The following CADPS variants were observed in gnomAD, a reference collection of about 807,000 sequenced individuals.
The protein encoded by CADPS is calcium-dependent secretion activator 1.
In CADPS, 57 loss-of-function variants were observed where a neutral mutation model predicts 167.3. The observed-to-expected ratio is 0.34, with a 90% CI of 0.28 to 0.42. CADPS has a LOEUF of 0.42. Ranked by LOEUF, CADPS falls within the 20% of genes least tolerant of loss-of-function variation. The pLI, the probability that CADPS is intolerant of heterozygous loss-of-function variation, is 1.00. For missense variants in CADPS, 1,414 were observed against 1,738.1 expected, an observed-to-expected ratio of 0.81 and a Z score of 3.32; for synonymous variants, 676 against 635.3, an observed-to-expected ratio of 1.06 and a Z score of -0.96.
chr3:62,707,870 G>A (rs1311982019), intron 3 of CADPS, among the ~76,000 whole-genome samples: 1 of 151,934 alleles, frequency 6.6e-6, no homozygotes, highest in African/African-American at 2.4e-5. Flanking sequence ...CATTATATTT[G>A]TATTGAACAG....
intron 6 of CADPS, among the ~76,000 whole-genome samples, chr3:62,608,787 C>T (rs771980532): frequency 2.7e-4 from 41 of 152,120 alleles, no homozygotes; most frequent in African/African-American, 9.4e-4. Context: ...AATTTGATGA[C>T]CAGTACTCAA....
intron 6 of CADPS, among the ~76,000 whole-genome samples, chr3:62,607,552 C>G (rs2060859228): frequency 6.6e-6 from 1 of 152,148 alleles, no homozygotes; most frequent in African/African-American, 2.4e-5. Flanking sequence ...GAATGGGGAC[C>G]CAAATTGTGG....
intron 7 of CADPS, among the ~76,000 whole-genome samples, chr3:62,590,243 C>T (rs756819745): frequency 6.6e-6 from 1 of 151,892 alleles, no homozygotes; most frequent in Non-Finnish European, 1.5e-5. Flanking sequence ...TTCGGAGGCT[C>T]ATTGTGGACC....
intron 3 of CADPS, among the ~76,000 whole-genome samples, chr3:62,737,936 C>A (rs2079341631): frequency 6.6e-6 from 1 of 152,118 alleles, no homozygotes; most frequent in African/African-American, 2.4e-5. Context: ...GCCCATATCT[C>A]TGTTTATATG....
rs553430889 is a variant in CADPS at position 62,518,893 on chromosome 3, A to G, written c.2292-643T>C. Among the ~76,000 whole-genome samples the G allele has an allele frequency of 2.6e-4, 39 of 152,282 alleles. No individual in the cohort carries two copies. In the South Asian group the frequency reaches 8.1e-3, roughly 32 times the overall value. On this transcript the variant is annotated intron_variant, in intron 13 of 29. Coordinates refer to ENST00000383710, the MANE Select transcript of CADPS (RefSeq NM_003716.4). ...TTCAGATTTATTTAAGTGCTCATGT[A>G]TTCGTTGAAGAACAAACCACATGTT... is the stretch of plus-strand genomic sequence containing the variant.
At chr3:62,542,455 C>G (rs2075838628) in intron 11 of CADPS, among the ~76,000 whole-genome samples, 1 of 152,008 alleles carries the variant, frequency 6.6e-6, no homozygotes, top group Non-Finnish European at 1.5e-5. Context: ...TGACTGATGG[C>G]AGCTGGTTGT....
chr3:62,647,513 G>T (rs932899102), intron 5 of CADPS, among the ~76,000 whole-genome samples: 1 of 152,104 alleles, frequency 6.6e-6, no homozygotes, highest in Non-Finnish European at 1.5e-5. Context: ...TACTACTCGC[G>T]TGATGTTGGG....
chr3:62,451,435 G>A (rs766258397), intron 26 of CADPS, among the ~76,000 whole-genome samples: 2 of 151,682 alleles, frequency 1.3e-5, no homozygotes, highest in South Asian at 2.1e-4. Context: ...TGCAGACCAC[G>A]AGGACCTCAG....
intron 17 of CADPS, among the ~76,000 whole-genome samples, chr3:62,508,729 T>C (rs1051458712): frequency 6.6e-6 from 1 of 152,186 alleles, no homozygotes; most frequent in African/African-American, 2.4e-5. Flanking sequence ...GAGATATGTA[T>C]AACTACTTAG....
rs754135566 is a variant in CADPS, at chr3:62,874,743, A to G, written c.287T>C (p.Val96Ala). 2 of 1,505,104 alleles carry G rather than the reference A, an allele frequency of 1.3e-6. No individual in the cohort carries two copies. The highest frequency in any genetic ancestry group is 1.8e-6 in the Non-Finnish European group (2 of 1,108,120). 93.2% of individuals were successfully genotyped at this position (1,505,104 alleles called of 1,614,324 possible). A position where few individuals can be genotyped will look rare whatever the true frequency, so the allele number is the denominator to read the frequency against. ...CTCTTCCTTCTCCTTCTCGCTCACC[A>G]CCGACGGGCTGGGGCTGGAGGGCCG... ...GGRPSSPSPS[V>A]VSEKEKEELE... The change falls in exon 1 of 30, where the codon GTG becomes GCG. Residue 96 changes from valine (V) to alanine (A), a missense_variant. Physicochemically the swap from Val to Ala is moderately conservative, Grantham distance 64. This residue lies in a region of CADPS where 522 missense variants were observed against 559.5 expected (regional missense o/e 0.93). Transcript: ENST00000383710. The surrounding 1 kb of genome is among the most constrained non-coding windows in gnomAD (Gnocchi z 7.1).
chr3:62,657,707 G>A (rs747660710), intron 4 of CADPS, among the ~76,000 whole-genome samples: 5 of 152,126 alleles, frequency 3.3e-5, no homozygotes, highest in Non-Finnish European at 7.4e-5. Flanking sequence ...TTGTGCAGCC[G>A]TCTCTGTCTG....
At chr3:62,454,822 G>A (rs1226663763) in intron 26 of CADPS, among the ~76,000 whole-genome samples, 1 of 152,086 alleles carries the variant, frequency 6.6e-6, no homozygotes, top group African/African-American at 2.4e-5. Flanking sequence ...TACGGCTTCT[G>A]TGCATGTTCA....
intron 6 of CADPS, among the ~76,000 whole-genome samples, chr3:62,622,222 G>A (rs1250821683): frequency 6.6e-6 from 1 of 152,098 alleles, no homozygotes; most frequent in Non-Finnish European, 1.5e-5. Context: ...GGTCTGAGGT[G>A]TAAAAAGGAG....
Position 62,536,598 on chromosome 3 carries a change from G to A in CADPS, c.1967-17C>T, listed in dbSNP as rs2152039016. 1.9e-6 allele frequency: 3 copies of A among 1,609,474 alleles called. No homozygotes were observed. The highest frequency in any genetic ancestry group is 4.5e-5 in the East Asian group (2 of 44,810). On this transcript the variant is annotated splice_polypyrimidine_tract_variant and intron_variant, in intron 11 of 29. Transcript: ENST00000383710. ...TATCTGCGTCTGTTCATTTATACAT[G>A]TAGAGAGAGACACAATTTAGAGAAA...
intron 28 of CADPS, among the ~76,000 whole-genome samples, chr3:62,417,673 A>G (rs1022799962): frequency 1.3e-5 from 2 of 152,056 alleles, no homozygotes; most frequent in African/African-American, 2.4e-5. Context: ...AAAAAGTTCT[A>G]TAGTGACATT....
chr3:62,625,419 A>G (rs2668227), intron 6 of CADPS: 1 of 133,056 alleles, frequency 7.5e-6, no homozygotes, highest in Non-Finnish European at 1.6e-5. Context: ...ACACACATGC[A>G]CACACATGTT....
intron 17 of CADPS, among the ~76,000 whole-genome samples, chr3:62,511,299 A>G (rs1201108154): frequency 6.6e-6 from 1 of 151,940 alleles, no homozygotes; most frequent in Non-Finnish European, 1.5e-5. Flanking sequence ...CTATCATTTC[A>G]CTCTGTTTTG....
intron 13 of CADPS, among the ~76,000 whole-genome samples, chr3:62,528,630 C>T (rs898677667): frequency 5.3e-5 from 8 of 152,082 alleles, no homozygotes; most frequent in Non-Finnish European, 1.2e-4. Flanking sequence ...GCTCATTTTA[C>T]AGAAATGAGA....
chr3:62,541,095 G>T (rs2152097287), intron 11 of CADPS, among the ~76,000 whole-genome samples: 1 of 152,302 alleles, frequency 6.6e-6, no homozygotes, highest in East Asian at 1.9e-4. Context: ...ATGTTTGGAT[G>T]ATCTCTTGCT....
Sources: gnomAD v4.1 joint callset for allele counts (sites outside exome capture counted in the v4.1 genomes callset) on GRCh38, gnomAD v4.1.1 for gene constraint, gnomAD v4.1.1 regional missense constraint, Gnocchi (gnomAD v3.1) non-coding constraint, MANE v1.5 for transcripts, NCBI Gene and HGNC (gene_info 2026-07-23, HGNC 2026-07-21) for gene names.